RTN4R: variants seen among roughly 807,000 people sequenced by gnomAD.
RTN4R encodes the protein reticulon 4 receptor.
In RTN4R, 4 loss-of-function variants were observed where a neutral mutation model predicts 27.7. The ratio of observed to expected loss-of-function variants is 0.14; its 90% CI spans 0.07 to 0.33. The LOEUF (loss-of-function observed/expected upper bound fraction) is 0.33. Among genes scored for constraint, RTN4R ranks in the 10% least tolerant of loss-of-function variants. RTN4R has a pLI of 1.00. For synonymous variants in RTN4R, 290 were observed against 305.6 expected (o/e 0.95, Z 0.53); for missense variants, 554 against 671.5 (o/e 0.83, Z 1.93).
At chr22:20,250,853 ATG>A (rs1001973307) in intron 1 of RTN4R, among the ~76,000 whole-genome samples, 13 of 140,106 alleles carry the variant, frequency 9.3e-5, no homozygotes, top group Non-Finnish European at 1.5e-4. Flanking sequence ...ACACACATGC[ATG>A]CACACACACA....
chr22:20,253,029 C>T (rs1421254587), intron 1 of RTN4R, among the ~76,000 whole-genome samples: 1 of 152,170 alleles, frequency 6.6e-6, no homozygotes, highest in Non-Finnish European at 1.5e-5. Context: ...AGGCAAGGTA[C>T]AGCTCACAGC....
In RTN4R at chr22:20,268,133, T is replaced by C; in HGVS notation, c.-41A>G. ...GGGCGCGTCGGGGACTGAAAGTCGT[T>C]TCGGGGCGGGCGCCCGTCTCCCCGC... On this transcript the variant is annotated 5_prime_UTR_variant, in exon 1 of 2. Coordinates refer to ENST00000043402, the MANE Select transcript of RTN4R (RefSeq NM_023004.6). 9.0e-7 allele frequency: 1 copy of C among 1,117,310 alleles called. No homozygotes were observed. Among genetic ancestry groups the C allele is most frequent in the Non-Finnish European group, 1.1e-6 (1 of 910,326 alleles). The allele number at this position is 1,117,310 out of a possible 1,614,324, so 69.2% of individuals were successfully genotyped here.
intron 1 of RTN4R, among the ~76,000 whole-genome samples, chr22:20,248,305 T>C (rs1023854887): frequency 6.6e-6 from 1 of 152,116 alleles, no homozygotes; most frequent in Non-Finnish European, 1.5e-5. Context: ...CCCAGTCTCA[T>C]GGCCCCAGGG....
rs780355528 is a variant in RTN4R, at chr22:20,242,751, C to T, written c.382G>A (p.Gly128Ser). 4.3e-5 allele frequency: 69 copies of T among 1,612,580 alleles called. No individual in the cohort carries two copies. The highest frequency in any genetic ancestry group is 6.7e-5 in the East Asian group (3 of 44,878). The change falls in exon 2 of 2, where the codon GGC becomes AGC. Residue 128 changes from glycine (G) to serine (S), a missense_variant. Transcript: ENST00000043402. ...TGCAGCGTGTGTAGGCGGCCCAGGC[C>T]GTGGAATGTGGCAGGGTCCACAGAC... Reference protein sequence around the residue: ...LRSVDPATFHGLGRLHTLHLD... With the variant: ...LRSVDPATFHSLGRLHTLHLD...
chr22:20,247,012 A>G (rs1319934127), intron 1 of RTN4R, among the ~76,000 whole-genome samples: 1 of 152,214 alleles, frequency 6.6e-6, no homozygotes, highest in Non-Finnish European at 1.5e-5. Context: ...CGGAGGGGCC[A>G]CGAGGCATGT....
In RTN4R at chr22:20,243,080, A is replaced by T. The variant is rs1258828722; in HGVS notation, c.53T>A (p.Leu18Gln). ...GSRLLAWVLW[L>Q]QAWQVAAPCP... ...TGGGGCTGCCACCTGCCAGGCCTGCAGCCACAGCACCCATGCCAGCAGCCG... is the reference window on the plus strand; with the variant it reads ...TGGGGCTGCCACCTGCCAGGCCTGCTGCCACAGCACCCATGCCAGCAGCCG... The change falls in exon 2 of 2, where the codon CTG becomes CAG. Residue 18 changes from leucine to glutamine, a missense_variant. Coordinates refer to ENST00000043402, the MANE Select transcript of RTN4R (RefSeq NM_023004.6). 3 of 1,600,286 alleles carry T rather than the reference A, an allele frequency of 1.9e-6. No individual in the cohort carries two copies. Among genetic ancestry groups the T allele is most frequent in the South Asian group, 2.2e-5 (2 of 91,068 alleles).
chr22:20,242,866 G>A lies in RTN4R; in HGVS notation c.267C>T (p.His89=), dbSNP rs752505380. The change falls in exon 2 of 2, where the codon CAC becomes CAT. Residue 89 remains histidine (H), a synonymous_variant. Coordinates refer to ENST00000043402, the MANE Select transcript of RTN4R (RefSeq NM_023004.6). ...CATCAATTCGGGCCAGCACATTCGA[G>A]TGCAGCCACAGGATGGTGAGGTTGC... is the stretch of plus-strand genomic sequence containing the variant. The part of the protein sequence containing the change: ...ACRNLTILWL[H]SNVLARIDAA... 13 of 1,613,114 alleles carry A rather than the reference G, an allele frequency of 8.1e-6. No homozygotes were observed. Among genetic ancestry groups the A allele is most frequent in the Admixed American group, 1.7e-5 (1 of 60,026 alleles).
Position 20,241,833 on chromosome 22 carries a change from C to A in RTN4R, c.1300G>T (p.Ala434Ser). ...RTRSHCRLGQ[A>S]GSGGGGTGDS... is the part of the protein sequence containing the mutation. ...CCAGTCCCGCCACCCCCGCTGCCTG[C>A]CTGGCCCAGACGGCAGTGGCTGCGG... Residue 434 changes from alanine (A) to serine (S), a missense_variant, in exon 2 of 2, where the codon GCA (alanine) becomes TCA (serine). By Grantham distance (99) the Ala-to-Ser change is moderately conservative. Coordinates refer to ENST00000043402, the MANE Select transcript of RTN4R (RefSeq NM_023004.6). 1.9e-6 allele frequency: 3 copies of A among 1,604,282 alleles called. No individual in the cohort carries two copies. The highest frequency in any genetic ancestry group is 8.5e-7 in the Non-Finnish European group (1 of 1,176,206).
intron 1 of RTN4R, among the ~76,000 whole-genome samples, chr22:20,254,082 C>T (rs929217296): frequency 1.3e-5 from 2 of 152,034 alleles, no homozygotes; most frequent in Middle Eastern, 3.2e-3. Flanking sequence ...CACTTTCAGG[C>T]CCCCAGGGGT....
chr22:20,251,019 G>A (rs961437454), intron 1 of RTN4R, among the ~76,000 whole-genome samples: 20 of 152,186 alleles, frequency 1.3e-4, no homozygotes, highest in African/African-American at 3.1e-4. Context: ...GAGGGCAGCC[G>A]TTTAACTGAG....
At chr22:20,249,699 C>T (rs921298491) in intron 1 of RTN4R, among the ~76,000 whole-genome samples, 6 of 152,194 alleles carry the variant, frequency 3.9e-5, no homozygotes, top group Non-Finnish European at 8.8e-5. Flanking sequence ...AGCCAGGGCC[C>T]GGCTGGAGGG....
chr22:20,255,281 A>G lies in RTN4R; in HGVS notation c.23-12171T>C, dbSNP rs2051205688. Among the ~76,000 whole-genome samples, 2 of 152,242 alleles carry G rather than the reference A, an allele frequency of 1.3e-5. No individual in the cohort carries two copies. The highest frequency in any genetic ancestry group is 4.1e-4 in the South Asian group (2 of 4,828). ...AGAAAACAGATAAATAAAAAGAAAA[A>G]AAAGAAAGTGTATCTTCCAGAAGGT... On this transcript the variant is annotated intron_variant, in intron 1 of 1. Transcript: ENST00000043402. The surrounding 1 kb of genome is among the most constrained non-coding windows in gnomAD (Gnocchi z 4.8).
chr22:20,265,775 G>T (rs1271296076), intron 1 of RTN4R, among the ~76,000 whole-genome samples: 7 of 152,206 alleles, frequency 4.6e-5, no homozygotes, highest in Admixed American at 3.3e-4. Flanking sequence ...TCTGCTGAGT[G>T]GGGGTGTGGG....
At position 20,268,292 on chromosome 22, in the gene RTN4R, A is replaced by G. The variant is rs1569044607; in HGVS notation, c.-200T>C. 0.011 allele frequency: 20 copies of G among 1,758 alleles called. No homozygotes were observed. Among genetic ancestry groups the G allele is most frequent in the East Asian group, 0.033 (1 of 30 alleles). 0.1% of individuals were successfully genotyped at this position (1,758 alleles called of 1,614,324 possible). On this transcript the variant is annotated 5_prime_UTR_variant, in exon 1 of 2. Coordinates refer to ENST00000043402, the MANE Select transcript of RTN4R (RefSeq NM_023004.6). ...GGTGCGCAGGGCGCGCAGGGCGCAC[A>G]GGGCGAGGGCGGCGGCGGCGCGGGG...
chr22:20,256,473 C>T (rs929115074), intron 1 of RTN4R, among the ~76,000 whole-genome samples: 7 of 152,224 alleles, frequency 4.6e-5, no homozygotes, highest in African/African-American at 1.7e-4. Flanking sequence ...ATAAGCCATT[C>T]TCCTAAAATT....
intron 1 of RTN4R, among the ~76,000 whole-genome samples, chr22:20,263,035 T>C: frequency 6.6e-6 from 1 of 152,218 alleles, no homozygotes; most frequent in African/African-American, 2.4e-5. Context: ...CCCCCTTCCT[T>C]GACGGGCCCC....
intron 1 of RTN4R, among the ~76,000 whole-genome samples, chr22:20,258,532 C>T (rs1254999554): frequency 1.3e-5 from 2 of 152,228 alleles, no homozygotes; most frequent in East Asian, 1.9e-4. Context: ...TGGGTCTCAA[C>T]CTCACCCTGG....
At position 20,241,966 on chromosome 22, in the gene RTN4R, G is replaced by A. The variant is rs755751790; in HGVS notation, c.1167C>T (p.Gly389=). ...INDSPFGTLP[G]SAEPPLTAVR... ...CTGCAGTGAGCGGGGGCTCAGCAGAGCCAGGCAGAGTCCCAAAGGGTGAGT... is the reference window on the plus strand; with the variant it reads ...CTGCAGTGAGCGGGGGCTCAGCAGAACCAGGCAGAGTCCCAAAGGGTGAGT... The change falls in exon 2 of 2, where the codon GGC becomes GGT. Residue 389 remains glycine (G), a synonymous_variant. Transcript: ENST00000043402. 6.2e-7 allele frequency: 1 copy of A among 1,609,336 alleles called. No individual in the cohort carries two copies. The highest frequency in any genetic ancestry group is 1.3e-5 in the African/African-American group (1 of 74,922).
intron 1 of RTN4R, among the ~76,000 whole-genome samples, chr22:20,245,487 C>A (rs1010032156): frequency 6.6e-6 from 1 of 152,142 alleles, no homozygotes; most frequent in Non-Finnish European, 1.5e-5. Context: ...GGAGACGCAG[C>A]CAGGTGGGGG....
Sources: allele counts gnomAD v4.1 joint callset (sites outside exome capture counted in the v4.1 genomes callset), GRCh38; gene constraint gnomAD v4.1.1; non-coding constraint Gnocchi (gnomAD v3.1); transcripts MANE v1.5; gene names NCBI Gene and HGNC (gene_info 2026-07-23, HGNC 2026-07-21).